Variants in ABCB10 observed in about 807,000 individuals in gnomAD.
ABCB10 encodes ATP binding cassette subfamily B member 10, also known as ATP-binding cassette sub-family B member 10, mitochondrial.
ABCB10 carries 54 observed loss-of-function variants against 65.4 expected under a neutral mutation model. That is an observed-to-expected ratio of 0.83 (90% CI 0.66 to 1.04). The LOEUF is 1.04. Ranked by LOEUF, ABCB10 falls within the 50% of genes least tolerant of loss-of-function variation. The probability of loss-of-function intolerance (pLI) is 0.00; values close to 1 mark genes in which losing one functional copy is unlikely to be tolerated. For synonymous variants in ABCB10, 418 were observed against 406.5 expected, an observed-to-expected ratio of 1.03 and a Z score of -0.34; for missense variants, 846 against 976.6, an observed-to-expected ratio of 0.87 and a Z score of 1.78.
chr1:229,528,565 G>A (rs1184202007), intron 8 of ABCB10, among the ~76,000 whole-genome samples: 1 of 152,140 alleles, frequency 6.6e-6, no homozygotes, highest in African/African-American at 2.4e-5. Flanking sequence ...TTTTAACACA[G>A]GTGGTGATTC....
chr1:229,519,042 G>A (rs1662239388), intron 11 of ABCB10, 167 bp from the exon 12 acceptor site: 2 of 517,770 alleles, frequency 3.9e-6, no homozygotes, highest in Non-Finnish European at 6.7e-6. Context: ...TACTGTATGA[G>A]TTCACTTATA....
chr1:229,550,831 T>G (rs1663090863), intron 1 of ABCB10, among the ~76,000 whole-genome samples: 1 of 149,758 alleles, frequency 6.7e-6, no homozygotes, highest in Non-Finnish European at 1.5e-5. Flanking sequence ...GCTGCTACAC[T>G]CCAGCCTGGA....
chr1:229,527,380 G>A (rs900631019), intron 8 of ABCB10, 72 bp from the exon 9 acceptor site: 21 of 1,359,784 alleles, frequency 1.5e-5, no homozygotes, highest in Middle Eastern at 1.8e-4. Flanking sequence ...GAAAGGATCC[G>A]GTGGGAAAAT....
rs538095631 is a variant in ABCB10, at chr1:229,529,563, G to A, written c.1645+636C>T. 2.7e-5 allele frequency among the ~76,000 whole-genome samples: 4 copies of A among 149,700 alleles called. No individual in the cohort carries two copies. In the South Asian group the frequency reaches 6.3e-4, roughly 24 times the overall value. On this transcript the variant is annotated intron_variant, in intron 8 of 12. Coordinates refer to ENST00000344517, the MANE Select transcript of ABCB10 (RefSeq NM_012089.3). The stretch of plus-strand genomic sequence containing the variant: ...CAGGCACCTGTAGTCCCAGCTACTC[G>A]GGAGGCTGAGGCAGGAGAATGGCGG...
chr1:229,538,906 T>A (rs995456398), intron 6 of ABCB10, among the ~76,000 whole-genome samples: 1 of 152,196 alleles, frequency 6.6e-6, no homozygotes, highest in Non-Finnish European at 1.5e-5. Flanking sequence ...ATTCCTGTTT[T>A]CCTTTATCCG....
intron 11 of ABCB10, 60 bp downstream of exon 11, chr1:229,521,532 C>T: frequency 6.7e-7 from 1 of 1,485,914 alleles, no homozygotes; most frequent in Non-Finnish European, 9.1e-7. Context: ...TTACAAATTA[C>T]AAGGTCCCTA....
chr1:229,530,325 C>T lies in ABCB10; in HGVS notation c.1519G>A (p.Val507Met), dbSNP rs374024594. The T allele has an allele frequency of 3.1e-6, 5 of 1,614,140 alleles. No individual in the cohort carries two copies. Among genetic ancestry groups the T allele is most frequent in the South Asian group, 1.1e-5 (1 of 91,082 alleles). Residue 507 changes from valine (V) to methionine (M), a missense_variant, in exon 8 of 13, where the codon GTG becomes ATG. Physicochemically the swap from Val to Met is conservative, Grantham distance 21. Transcript: ENST00000344517. ...VHFAYPARPEVPIFQDFSLSI... is the reference protein window; with the variant it reads ...VHFAYPARPEMPIFQDFSLSI... ...AGGCTGAAATCCTGAAATATGGGCACCTCTGGGCGAGCTGGATAGGCAAAA... is the reference window on the plus strand; with the variant it reads ...AGGCTGAAATCCTGAAATATGGGCATCTCTGGGCGAGCTGGATAGGCAAAA...
intron 10 of ABCB10, among the ~76,000 whole-genome samples, chr1:229,522,057 C>G (rs1213591420): frequency 6.6e-6 from 1 of 151,772 alleles, no homozygotes; most frequent in African/African-American, 2.4e-5. Flanking sequence ...TGGGGTTTTG[C>G]CATGTTGCCC....
intron 10 of ABCB10, among the ~76,000 whole-genome samples, chr1:229,525,181 T>A (rs1014786111): frequency 2.0e-5 from 3 of 152,170 alleles, no homozygotes; most frequent in Admixed American, 2.0e-4. Flanking sequence ...ACTGTCTGGC[T>A]CTTTAAAGAA....
At chr1:229,547,239 G>A (rs1438653793) in intron 3 of ABCB10, among the ~76,000 whole-genome samples, 3 of 152,098 alleles carry the variant, frequency 2.0e-5, no homozygotes, top group Non-Finnish European at 4.4e-5. Flanking sequence ...AATACCCCGG[G>A]TACACACATC....
chr1:229,524,383 G>C (rs545784686), intron 10 of ABCB10, among the ~76,000 whole-genome samples: 1 of 151,834 alleles, frequency 6.6e-6, no homozygotes, highest in Non-Finnish European at 1.5e-5. Flanking sequence ...GGCTGGTCTC[G>C]AACTACTGAG....
intron 10 of ABCB10, 101 bp from the exon 11 acceptor site, chr1:229,521,736 AGT>A: frequency 3.3e-6 from 4 of 1,227,618 alleles, no homozygotes; most frequent in Non-Finnish European, 3.5e-6. Flanking sequence ...AGCTTCTTCT[AGT>A]TAGTCATAGC....
chr1:229,531,834 C>A (rs1174934329), intron 6 of ABCB10, 103 bp from the exon 7 acceptor site: 9 of 868,720 alleles, frequency 1.0e-5, no homozygotes, highest in Non-Finnish European at 1.5e-5. Context: ...AATATAAAAT[C>A]TGTTATTAAT....
chr1:229,533,670 G>C (rs1171289156), intron 6 of ABCB10, among the ~76,000 whole-genome samples: 1 of 152,158 alleles, frequency 6.6e-6, no homozygotes, highest in African/African-American at 2.4e-5. Context: ...ATACAATGGA[G>C]ATGCAACGGC....
chr1:229,557,458 A>G (rs1663283619), intron 1 of ABCB10, among the ~76,000 whole-genome samples: 1 of 152,260 alleles, frequency 6.6e-6, no homozygotes, highest in Non-Finnish European at 1.5e-5. Flanking sequence ...TTTAGATCTT[A>G]CAAGGCCCTT....
chr1:229,554,846 T>C (rs555641426), intron 1 of ABCB10, among the ~76,000 whole-genome samples: 1 of 152,340 alleles, frequency 6.6e-6, no homozygotes, highest in African/African-American at 2.4e-5. Context: ...GTAGCTACTC[T>C]GGCCTCCTTG....
At position 229,533,992 on chromosome 1, in the gene ABCB10, C is replaced by A. The variant is rs372725573; in HGVS notation, c.1340-2261G>T. Among the ~76,000 whole-genome samples, 94 of 152,262 alleles carry A rather than the reference C, an allele frequency of 6.2e-4. No homozygotes were observed. The South Asian group carries it at 0.019, about 31-fold the overall frequency. On this transcript the variant is annotated intron_variant, in intron 6 of 12. Transcript: ENST00000344517. ...AATGTGAAAAGAAGAGGACCAGCCACAAACTGGAAGAAAATATCTGTAAAA... is the reference window on the plus strand; with the variant it reads ...AATGTGAAAAGAAGAGGACCAGCCAAAAACTGGAAGAAAATATCTGTAAAA...
chr1:229,558,277 C>A lies in ABCB10; in HGVS notation c.376G>T (p.Ala126Ser), dbSNP rs1240636312. The part of the protein sequence containing the change: ...ARFPGGPAAA[A>S]WAGDEAWRRG... ...CGCCAGGCCTCGTCCCCTGCCCAGGCAGCGGCTGCGGGACCGCCCGGGAAC... is the reference window on the plus strand; with the variant it reads ...CGCCAGGCCTCGTCCCCTGCCCAGGAAGCGGCTGCGGGACCGCCCGGGAAC... Residue 126 changes from alanine to serine, a missense_variant, in exon 1 of 13, where the codon GCC becomes TCC. Transcript: ENST00000344517. 10 of 1,256,382 alleles carry A rather than the reference C, an allele frequency of 8.0e-6. No individual in the cohort carries two copies. Among genetic ancestry groups the A allele is most frequent in the Non-Finnish European group, 1.0e-5 (10 of 1,003,932 alleles). 77.8% of individuals were successfully genotyped at this position (1,256,382 alleles called of 1,614,324 possible).
chr1:229,543,755 G>C (rs1268718121), intron 3 of ABCB10, among the ~76,000 whole-genome samples: 4 of 152,208 alleles, frequency 2.6e-5, no homozygotes, highest in African/African-American at 9.6e-5. Context: ...TAAAGGCCCT[G>C]AGGCAGAAAG....
Sources: allele counts gnomAD v4.1 joint callset (sites outside exome capture counted in the v4.1 genomes callset), GRCh38; gene constraint gnomAD v4.1.1; transcripts MANE v1.5; gene names NCBI Gene and HGNC (gene_info 2026-07-23, HGNC 2026-07-21).